KLHL5: variants seen among roughly 807,000 people sequenced by gnomAD.
The protein encoded by KLHL5 is kelch-like protein 5.
KLHL5 carries 48 observed loss-of-function variants against 77.7 expected under a neutral mutation model. That is an observed-to-expected ratio of 0.62 (90% CI 0.49 to 0.79). The LOEUF is 0.79. Ranked by LOEUF, KLHL5 falls within the 30% of genes least tolerant of loss-of-function variation. The pLI is 0.00. For synonymous variants in KLHL5, 260 were observed against 297.0 expected, an observed-to-expected ratio of 0.88 and a Z score of 1.28; for missense variants, 723 against 859.7, an observed-to-expected ratio of 0.84 and a Z score of 1.99.
At position 39,062,750 on chromosome 4, in the gene KLHL5, A is replaced by G; in HGVS notation, c.98A>G (p.Asp33Gly). Residue 33 changes from aspartate to glycine, a missense_variant, in exon 1 of 11, where the codon GAC becomes GGC. Physicochemically the swap from Asp to Gly is moderately conservative, Grantham distance 94. This residue lies in a region of KLHL5 where 221 missense variants were observed against 222.1 expected (regional missense o/e 1.00). Coordinates refer to ENST00000504108, the MANE Select transcript of KLHL5 (RefSeq NM_015990.5). ...HQASSPNSTVDSQQGEFWNRG... is the reference protein window; with the variant it reads ...HQASSPNSTVGSQQGEFWNRG... ...GCATCATCTCCTAATTCTACAGTTG[A>G]CAGCCAGCAGGGAGAATTTTGGAAC... 6.2e-7 allele frequency: 1 copy of G among 1,614,170 alleles called. No individual in the cohort carries two copies. The highest frequency in any genetic ancestry group is 8.5e-7 in the Non-Finnish European group (1 of 1,180,006).
At chr4:39,126,935 G>A (rs574625749), downstream of KLHL5, 51 of 359,372 alleles carry the variant, frequency 1.4e-4, no homozygotes, top group African/African-American at 1.1e-3. Context: ...CTGACGTCAA[G>A]GCACCAAAAT....
intron 7 of KLHL5, among the ~76,000 whole-genome samples, chr4:39,104,539 TC>T (rs1329781451): frequency 6.6e-6 from 1 of 152,148 alleles, no homozygotes; most frequent in East Asian, 1.9e-4. Context: ...TTGCTCATAG[TC>T]CAGCTGTTTC....
chr4:39,055,996 A>T (rs1716980000), intron 1 of KLHL5, among the ~76,000 whole-genome samples: 1 of 152,198 alleles, frequency 6.6e-6, no homozygotes, highest in South Asian at 2.1e-4. Flanking sequence ...TCCCTATATT[A>T]CATGGCTTTT....
chr4:39,099,804 G>T (rs1721388728), intron 6 of KLHL5, among the ~76,000 whole-genome samples: 1 of 152,152 alleles, frequency 6.6e-6, no homozygotes, highest in Admixed American at 6.5e-5. Context: ...CCTGATGACT[G>T]CATGGTACAG....
intron 1 of KLHL5, among the ~76,000 whole-genome samples, chr4:39,071,448 G>A (rs1290447455): frequency 4.6e-5 from 7 of 152,102 alleles, no homozygotes; most frequent in African/African-American, 9.7e-5. Context: ...AAATTCTGGC[G>A]ATAAAAGTAA....
chr4:39,128,515 T>C (rs1355891347), downstream of KLHL5, among the ~76,000 whole-genome samples: 1 of 152,224 alleles, frequency 6.6e-6, no homozygotes. Flanking sequence ...TTATTGTTTT[T>C]AAAATTAATT....
rs765540584 is a variant in KLHL5 at position 39,062,535 on chromosome 4, T to C, written c.-118T>C. 2 of 1,610,356 alleles carry C rather than the reference T, an allele frequency of 1.2e-6. No individual in the cohort carries two copies. Among genetic ancestry groups the C allele is most frequent in the Admixed American group, 3.3e-5 (2 of 59,852 alleles). ...TATATATGAATGTGATTTATTTTCCTTTACATATTTTTGTTGTGTACAGCA... is the reference window on the plus strand; with the variant it reads ...TATATATGAATGTGATTTATTTTCCCTTACATATTTTTGTTGTGTACAGCA... On this transcript the variant is annotated 5_prime_UTR_variant, in exon 1 of 11. Transcript: ENST00000504108.
intron 7 of KLHL5, among the ~76,000 whole-genome samples, chr4:39,106,438 A>T (rs1560436678): frequency 6.6e-6 from 1 of 152,240 alleles, no homozygotes. Flanking sequence ...TATAAGATTT[A>T]TGAGGGCACA....
intron 8 of KLHL5, among the ~76,000 whole-genome samples, chr4:39,109,160 A>G (rs1722260244): frequency 6.6e-6 from 1 of 152,188 alleles, no homozygotes; most frequent in Non-Finnish European, 1.5e-5. Flanking sequence ...CGGTTGGTTG[A>G]AAAAAACCAA....
intron 1 of KLHL5, among the ~76,000 whole-genome samples, chr4:39,045,791 AG>A (rs1716135322): frequency 1.3e-5 from 2 of 152,126 alleles, no homozygotes; most frequent in Admixed American, 1.3e-4. Flanking sequence ...AGAATTCAAA[AG>A]GTACAAAAGG....
chr4:39,103,013 T>TC (rs1553893224), intron 6 of KLHL5, among the ~76,000 whole-genome samples: 1 of 152,112 alleles, frequency 6.6e-6, no homozygotes. Flanking sequence ...TGCTTTTTTC[T>TC]CCCCCGCTTC....
At chr4:39,078,188 C>T (rs1294717051) in intron 2 of KLHL5, among the ~76,000 whole-genome samples, 1 of 151,986 alleles carries the variant, frequency 6.6e-6, no homozygotes, top group Non-Finnish European at 1.5e-5. Context: ...AAGTTCAAGA[C>T]CAGCCTGACC....
chr4:39,053,136 T>C (rs1236159856), intron 1 of KLHL5, among the ~76,000 whole-genome samples: 1 of 152,244 alleles, frequency 6.6e-6, no homozygotes, highest in African/African-American at 2.4e-5. Context: ...TTATGAGCAG[T>C]TGAGAAATAG....
intron 1 of KLHL5, among the ~76,000 whole-genome samples, chr4:39,065,970 C>T (rs943089655): frequency 2.6e-5 from 4 of 152,062 alleles, no homozygotes; most frequent in African/African-American, 4.8e-5. Flanking sequence ...TAAGGGACAG[C>T]GTATGTTGGT....
chr4:39,140,752 G>C, the KLHL5 span, among the ~76,000 whole-genome samples: 1 of 152,142 alleles, frequency 6.6e-6, no homozygotes, highest in African/African-American at 2.4e-5. Context: ...TGCCAATGAA[G>C]GTTCTCTGCA....
At chr4:39,101,877 T>C (rs71606145) in intron 6 of KLHL5, among the ~76,000 whole-genome samples, 45,076 of 105,686 alleles carry the variant, frequency 0.43, 10,293 homozygotes, top group Non-Finnish European at 0.51. Context: ...TATATATATA[T>C]ACACACACAC....
chr4:39,079,745 T>G (rs1560419401), intron 2 of KLHL5, among the ~76,000 whole-genome samples: 1 of 152,222 alleles, frequency 6.6e-6, no homozygotes, highest in Non-Finnish European at 1.5e-5. Context: ...AGGGATCTTT[T>G]GTCTTATTTT....
At chr4:39,116,955 G>A (rs938112501) in intron 10 of KLHL5, among the ~76,000 whole-genome samples, 1 of 152,048 alleles carries the variant, frequency 6.6e-6, no homozygotes, top group Non-Finnish European at 1.5e-5. Flanking sequence ...CCCTGCCTCA[G>A]CCTCCCCAGT....
chr4:39,117,571 CACTT>C (rs986582314), intron 10 of KLHL5, among the ~76,000 whole-genome samples: 2 of 152,112 alleles, frequency 1.3e-5, no homozygotes, highest in African/African-American at 4.8e-5. Context: ...TATATACACA[CACTT>C]ACTGGGTTGA....
Sources: gnomAD v4.1 joint callset for allele counts (sites outside exome capture counted in the v4.1 genomes callset) on GRCh38, gnomAD v4.1.1 for gene constraint, gnomAD v4.1.1 regional missense constraint, MANE v1.5 for transcripts, NCBI Gene and HGNC (gene_info 2026-07-23, HGNC 2026-07-21) for gene names.